SFMBT2: variants seen among roughly 807,000 people sequenced by gnomAD.
SFMBT2 encodes the protein scm-like with four MBT domains protein 2.
SFMBT2 carries 38 observed loss-of-function variants against 110.1 expected under a neutral mutation model. That is an observed-to-expected ratio of 0.35 (90% confidence interval 0.27 to 0.45). The LOEUF is 0.45. SFMBT2 is among the 20% of genes least tolerant of loss of function. The pLI is 1.00. For synonymous variants in SFMBT2, 425 were observed against 425.4 expected, an observed-to-expected ratio of 1.00 and a Z score of 0.01; for missense variants, 1,011 against 1,094.9, an observed-to-expected ratio of 0.92 and a Z score of 1.08.
chr10:7,184,215 C>A (rs778550020), intron 16 of SFMBT2, among the ~76,000 whole-genome samples: 3 of 152,154 alleles, frequency 2.0e-5, no homozygotes, highest in Non-Finnish European at 2.9e-5. Flanking sequence ...TGTCCCCACC[C>A]AAATCTCATC....
intron 6 of SFMBT2, among the ~76,000 whole-genome samples, chr10:7,278,508 T>C (rs771515675): frequency 6.6e-6 from 1 of 151,998 alleles, no homozygotes; most frequent in African/African-American, 2.4e-5. Context: ...AGGAGAGAAA[T>C]TGCCAACAGG....
chr10:7,192,373 C>T (rs942733653), intron 15 of SFMBT2, among the ~76,000 whole-genome samples: 2 of 152,140 alleles, frequency 1.3e-5, no homozygotes, highest in Admixed American at 1.3e-4. Context: ...TGGGTGTTAC[C>T]GATAAACTTA....
At chr10:7,344,841 C>T in intron 4 of SFMBT2, among the ~76,000 whole-genome samples, 1 of 151,126 alleles carries the variant, frequency 6.6e-6, no homozygotes, top group East Asian at 1.9e-4. Flanking sequence ...TGCCTGTAGT[C>T]CCAGCTACTT....
At chr10:7,276,824 C>T (rs961820870) in intron 7 of SFMBT2, 68 bp downstream of exon 7, 5 of 799,532 alleles carry the variant, frequency 6.3e-6, no homozygotes, top group African/African-American at 1.7e-5. Flanking sequence ...CTGCGCCCGG[C>T]CGGAAAACTT....
intron 4 of SFMBT2, among the ~76,000 whole-genome samples, chr10:7,362,155 CAT>C (rs1404032115): frequency 6.6e-6 from 1 of 152,148 alleles, no homozygotes; most frequent in African/African-American, 2.4e-5. Context: ...GCTTTAATGT[CAT>C]ATGTTCCTTA....
chr10:7,173,929 T>G (rs1324902000), intron 17 of SFMBT2, among the ~76,000 whole-genome samples: 1 of 152,232 alleles, frequency 6.6e-6, no homozygotes, highest in Non-Finnish European at 1.5e-5. Context: ...CTATCCTTTC[T>G]GCACCCCAAT....
intron 4 of SFMBT2, among the ~76,000 whole-genome samples, chr10:7,355,874 G>A (rs1844491897): frequency 6.6e-6 from 1 of 152,170 alleles, no homozygotes; most frequent in African/African-American, 2.4e-5. Context: ...TGGAAATTCT[G>A]TACTAATTTC....
In SFMBT2 at chr10:7,366,973, G is replaced by C. The variant is rs147916411; in HGVS notation, c.436+676C>G. On this transcript the variant is annotated intron_variant, in intron 4 of 20. Coordinates refer to ENST00000397167, the MANE Select transcript of SFMBT2 (RefSeq NM_001387889.1). ...AAAACTGCCCCCGGAGAGAATAGTG[G>C]CTTTGTAGCAACTAAATTGATCATA... 1.8e-3 allele frequency among the ~76,000 whole-genome samples: 272 copies of C among 152,232 alleles called. 1 individual carries two copies. Among genetic ancestry groups the C allele is most frequent in the Non-Finnish European group, 3.1e-3 (214 of 68,000 alleles).
chr10:7,384,447 G>C (rs910698723), intron 1 of SFMBT2, among the ~76,000 whole-genome samples: 1 of 150,844 alleles, frequency 6.6e-6, no homozygotes, highest in African/African-American at 2.4e-5. Context: ...AGTTTGCTTC[G>C]TTCATAATGA....
At chr10:7,233,249 G>A (rs1840160540) in intron 9 of SFMBT2, among the ~76,000 whole-genome samples, 1 of 152,202 alleles carries the variant, frequency 6.6e-6, no homozygotes, top group Non-Finnish European at 1.5e-5. Context: ...TGTGGTGGGA[G>A]TGGAACTTTA....
In SFMBT2 at chr10:7,384,238, A is replaced by AAAAAAAAAAAAAAT. The variant is rs1554812962; in HGVS notation, c.-51-2290_-51-2289insATTTTTTTTTTTTT. Among the ~76,000 whole-genome samples, 32 of 145,516 alleles carry AAAAAAAAAAAAAAT rather than the reference A, an allele frequency of 2.2e-4. 1 individual carries two copies. Among genetic ancestry groups the AAAAAAAAAAAAAAT allele is most frequent in the Non-Finnish European group, 3.8e-4 (25 of 64,966 alleles). On this transcript the variant is annotated intron_variant, in intron 1 of 20. Coordinates refer to ENST00000397167, the MANE Select transcript of SFMBT2 (RefSeq NM_001387889.1). ...AAAAAAAAAAAAAAAAAAAAAAAAA[A>AAAAAAAAAAAAAAT]CAACCACAGAAAGGACAAATAAGTA...
intron 4 of SFMBT2, among the ~76,000 whole-genome samples, chr10:7,361,083 C>T (rs917221935): frequency 7.2e-5 from 11 of 152,166 alleles, no homozygotes; most frequent in African/African-American, 2.4e-4. Context: ...GTTCTGCTCT[C>T]TTATTACTAA....
chr10:7,361,701 C>T (rs187493028), intron 4 of SFMBT2, among the ~76,000 whole-genome samples: 16 of 152,174 alleles, frequency 1.1e-4, no homozygotes, highest in African/African-American at 2.4e-4. Flanking sequence ...ATTTTAATAA[C>T]GGGGAAAATA....
At chr10:7,407,884 C>T (rs903203835) in intron 1 of SFMBT2, among the ~76,000 whole-genome samples, 8 of 152,210 alleles carry the variant, frequency 5.3e-5, no homozygotes, top group African/African-American at 1.9e-4. Context: ...TTCGCGCATC[C>T]AGGTCCCCAG....
intron 7 of SFMBT2, among the ~76,000 whole-genome samples, chr10:7,262,922 G>T (rs753736919): frequency 6.6e-6 from 1 of 152,078 alleles, no homozygotes; most frequent in Non-Finnish European, 1.5e-5. Context: ...ACCCCACCTC[G>T]CAGTTCTGTA....
intron 4 of SFMBT2, among the ~76,000 whole-genome samples, chr10:7,319,794 C>CACAGAGAGAGAGAGAGGGAG (rs1843119376): frequency 2.1e-5 from 2 of 97,084 alleles, no homozygotes; most frequent in African/African-American, 7.4e-5. Flanking sequence ...GAGGGAGAGA[C>CACAGAGAGAGAGAGAGGGAG]AGACAGACAG....
chr10:7,249,279 G>C (rs912870841), intron 7 of SFMBT2: 1 of 172,584 alleles, frequency 5.8e-6, no homozygotes, highest in Non-Finnish European at 1.2e-5. Flanking sequence ...ATAGGGGTCT[G>C]GCAGTTTTAT....
chr10:7,277,996 G>A (rs1014248250), intron 6 of SFMBT2, among the ~76,000 whole-genome samples: 8 of 152,050 alleles, frequency 5.3e-5, no homozygotes, highest in African/African-American at 1.9e-4. Context: ...CATAATTACA[G>A]TAAGTATCAG....
At position 7,172,085 on chromosome 10, in the gene SFMBT2, T is replaced by A. The variant is rs1394393403; in HGVS notation, c.2225A>T (p.Asp742Val). 2 of 1,606,910 alleles carry A rather than the reference T, an allele frequency of 1.2e-6. No homozygotes were observed. Among genetic ancestry groups the A allele is most frequent in the South Asian group, 1.1e-5 (1 of 90,228 alleles). ...ASEETGSELRDDQTDTSSAEV... is the reference protein window; with the variant it reads ...ASEETGSELRVDQTDTSSAEV... ...CGCCGACGAGGTGTCCGTCTGGTCA[T>A]CCCGGAGCTCGGAGCCGGTCTCCTC... Residue 742 changes from aspartate to valine, a missense_variant, in exon 19 of 21, where the codon GAT (aspartate) becomes GTT (valine). Physicochemically the swap from Asp to Val is radical, Grantham distance 152. Coordinates refer to ENST00000397167, the MANE Select transcript of SFMBT2 (RefSeq NM_001387889.1). The surrounding 1 kb of genome is among the most constrained non-coding windows in gnomAD (Gnocchi z 4.6).
Sources: allele counts gnomAD v4.1 joint callset (sites outside exome capture counted in the v4.1 genomes callset), GRCh38; gene constraint gnomAD v4.1.1; non-coding constraint Gnocchi (gnomAD v3.1); transcripts MANE v1.5; gene names NCBI Gene and HGNC (gene_info 2026-07-23, HGNC 2026-07-21).